Variants in ANKRD31 observed in about 807,000 individuals in gnomAD.
ANKRD31 encodes ankyrin repeat domain-containing protein 31.
Under a neutral mutation model 186.0 loss-of-function variants are expected in ANKRD31, and 147 were observed. That is an observed-to-expected ratio of 0.79 (90% CI 0.69 to 0.91). The LOEUF (loss-of-function observed/expected upper bound fraction) is 0.91, where lower values mean the gene tolerates loss of function less well. ANKRD31 is among the 40% of genes least tolerant of loss of function. The probability of loss-of-function intolerance (pLI) is 0.00; values close to 1 mark genes in which losing one functional copy is unlikely to be tolerated. For synonymous variants in ANKRD31, 673 were observed against 736.4 expected, an observed-to-expected ratio of 0.91 and a Z score of 1.39; for missense variants, 1,986 against 2,148.8, an observed-to-expected ratio of 0.92 and a Z score of 1.50.
Position 75,236,716 on chromosome 5 carries a change from C to G in ANKRD31, c.-30G>C, listed in dbSNP as rs770285861. ...GCCTCACATTCAAAGTCTTTTTTACCCTCCTCTAACTCCCTCTTGCCCGCA... is the reference window on the plus strand; with the variant it reads ...GCCTCACATTCAAAGTCTTTTTTACGCTCCTCTAACTCCCTCTTGCCCGCA... On this transcript the variant is annotated 5_prime_UTR_variant, in exon 1 of 26. Transcript: ENST00000506364. 2.9e-5 allele frequency: 43 copies of G among 1,507,418 alleles called. No individual in the cohort carries two copies. The highest frequency in any genetic ancestry group is 3.7e-5 in the Non-Finnish European group (42 of 1,121,956). The allele number at this position is 1,507,418 out of a possible 1,614,324, so 93.4% of individuals were successfully genotyped here.
intron 21 of ANKRD31, among the ~76,000 whole-genome samples, chr5:75,106,141 A>G (rs1375630963): frequency 6.6e-6 from 1 of 152,132 alleles, no homozygotes; most frequent in African/African-American, 2.4e-5. Flanking sequence ...ACATTCTATC[A>G]GGCTTTATCA....
intron 18 of ANKRD31, 70 bp from the exon 19 acceptor site, chr5:75,116,751 G>T: frequency 1.2e-6 from 1 of 828,396 alleles, no homozygotes; most frequent in Non-Finnish European, 1.7e-6. Flanking sequence ...CAGTTTTAAT[G>T]TGATGGGGAT....
chr5:75,113,683 A>C (rs1747962886), intron 19 of ANKRD31, among the ~76,000 whole-genome samples: 3 of 152,216 alleles, frequency 2.0e-5, no homozygotes, highest in Admixed American at 2.0e-4. Flanking sequence ...TTTGGTGCCC[A>C]TAAAAGATAT....
At chr5:75,173,481 C>T (rs888702969) in intron 10 of ANKRD31, among the ~76,000 whole-genome samples, 1 of 152,110 alleles carries the variant, frequency 6.6e-6, no homozygotes, top group Non-Finnish European at 1.5e-5. Flanking sequence ...ATTTAGAAAA[C>T]CCCATGGTCT....
chr5:75,220,642 C>CA lies in ANKRD31; in HGVS notation c.288+1606dup, dbSNP rs113439471. On this transcript the variant is annotated intron_variant, in intron 3 of 25. Transcript: ENST00000506364. The stretch of plus-strand genomic sequence containing the variant: ...GGACAACAAGAGCAAAACTCCGTCT[C>CA]AAAAAAAAAAAAAAGTGGGCAAAAG... Among the ~76,000 whole-genome samples, 87 of 136,616 alleles carry CA rather than the reference C, an allele frequency of 6.4e-4. 1 individual carries two copies. The highest frequency in any genetic ancestry group is 8.3e-4 in the Non-Finnish European group (51 of 61,336). The allele number at this position is 136,616 out of a possible 152,430, so 89.6% of individuals were successfully genotyped here.
At chr5:75,164,857 G>A (rs1330155999) in intron 11 of ANKRD31, among the ~76,000 whole-genome samples, 1 of 152,134 alleles carries the variant, frequency 6.6e-6, no homozygotes, top group Non-Finnish European at 1.5e-5. Flanking sequence ...TTTATGTTTT[G>A]CTTGTATATG....
chr5:75,123,786 G>C (rs1748984258), intron 17 of ANKRD31, among the ~76,000 whole-genome samples: 1 of 151,818 alleles, frequency 6.6e-6, no homozygotes, highest in South Asian at 2.1e-4. Flanking sequence ...ATCAAATATA[G>C]ACAAATCAAA....
At chr5:75,094,464 G>A (rs1746160251) in intron 22 of ANKRD31, among the ~76,000 whole-genome samples, 1 of 152,090 alleles carries the variant, frequency 6.6e-6, no homozygotes, top group South Asian at 2.1e-4. Context: ...GTATGAATCT[G>A]AAGCTGATTC....
At chr5:75,227,548 C>A (rs984788068) in intron 2 of ANKRD31, among the ~76,000 whole-genome samples, 1 of 151,954 alleles carries the variant, frequency 6.6e-6, no homozygotes, top group Non-Finnish European at 1.5e-5. Context: ...TATGTACCCA[C>A]AAATTTAAAA....
chr5:75,233,030 T>C (rs924774108), intron 1 of ANKRD31, among the ~76,000 whole-genome samples: 2 of 151,834 alleles, frequency 1.3e-5, no homozygotes, highest in South Asian at 2.1e-4. Flanking sequence ...CAAAAGCACA[T>C]AGGTTCTACC....
At chr5:75,100,897 T>C (rs1317983985) in intron 22 of ANKRD31, among the ~76,000 whole-genome samples, 1 of 152,232 alleles carries the variant, frequency 6.6e-6, no homozygotes, top group Non-Finnish European at 1.5e-5. Context: ...TCTGTGTCTT[T>C]TAATTGGAGC....
chr5:75,160,038 G>A (rs779441280), intron 11 of ANKRD31, among the ~76,000 whole-genome samples: 1 of 152,144 alleles, frequency 6.6e-6, no homozygotes, highest in Non-Finnish European at 1.5e-5. Context: ...CACAGAGCCA[G>A]AAATGTAAAA....
At chr5:75,140,250 G>A (rs1580416489) in intron 15 of ANKRD31, among the ~76,000 whole-genome samples, 4 of 83,526 alleles carry the variant, frequency 4.8e-5, no homozygotes, top group African/African-American at 2.4e-4. Context: ...AAGGAAGGAA[G>A]GAAGGAAGGA....
Position 75,193,541 on chromosome 5 carries a change from A to AT in ANKRD31, c.1067dup (p.Asn356LysfsTer6). 6.5e-7 allele frequency: 1 copy of AT among 1,536,838 alleles called. No individual in the cohort carries two copies. Among genetic ancestry groups the AT allele is most frequent in the Non-Finnish European group, 8.7e-7 (1 of 1,146,654 alleles). On this transcript the variant is annotated frameshift_variant, in exon 8 of 26. Transcript: ENST00000506364. LOFTEE classifies it high-confidence loss of function. ...TACTTAGTGGCTCACAAGAAGTGAT[A>AT]TTTTGATGAGCCAAAGTTTGCAATC...
chr5:75,182,670 G>C (rs548568727), intron 10 of ANKRD31, among the ~76,000 whole-genome samples: 1 of 150,848 alleles, frequency 6.6e-6, no homozygotes, highest in East Asian at 2.0e-4. Flanking sequence ...AGTGAGCCGA[G>C]ATAGCGCCAT....
intron 17 of ANKRD31, among the ~76,000 whole-genome samples, chr5:75,136,619 A>T (rs1274133060): frequency 6.6e-6 from 1 of 152,226 alleles, no homozygotes; most frequent in African/African-American, 2.4e-5. Flanking sequence ...TTCCTCAAGG[A>T]TCTAGAACTA....
In ANKRD31 at chr5:75,220,988, A is replaced by G. The variant is rs147330996; in HGVS notation, c.288+1261T>C. On this transcript the variant is annotated intron_variant, in intron 3 of 25. Transcript: ENST00000506364. ...GGTGGCACGTGGTGGAATACTATGC[A>G]GCCATAAAAAAGAATGAGATCATGT... is the stretch of plus-strand genomic sequence containing the variant. Among the ~76,000 whole-genome samples, 207 of 152,316 alleles carry G rather than the reference A, an allele frequency of 1.4e-3. 1 individual carries two copies. Among genetic ancestry groups the G allele is most frequent in the African/African-American group, 4.5e-3 (189 of 41,566 alleles).
At chr5:75,230,528 A>G in intron 2 of ANKRD31, 34 bp downstream of exon 2, 2 of 1,486,818 alleles carry the variant, frequency 1.3e-6, no homozygotes, top group Non-Finnish European at 1.8e-6. Context: ...CTGGGAAACT[A>G]AAGGGACTAC....
chr5:75,071,276 T>C (rs184527903), intron 25 of ANKRD31, among the ~76,000 whole-genome samples: 271 of 147,962 alleles, frequency 1.8e-3, no homozygotes, highest in African/African-American at 5.8e-3. Context: ...TTAAATATTT[T>C]AATAATATTT....
Sources: allele counts gnomAD v4.1 joint callset (sites outside exome capture counted in the v4.1 genomes callset), GRCh38; gene constraint gnomAD v4.1.1; transcripts MANE v1.5; gene names NCBI Gene and HGNC (gene_info 2026-07-23, HGNC 2026-07-21).